GIMAP1: variants seen among roughly 807,000 people sequenced by gnomAD.
GIMAP1 encodes GTPase IMAP family member 1.
For synonymous variants in GIMAP1, 230 were observed against 187.7 expected, an observed-to-expected ratio of 1.23 and a Z score of -1.84; for missense variants, 423 against 411.9, an observed-to-expected ratio of 1.03 and a Z score of -0.23.
At position 150,717,710 on chromosome 7, in the gene GIMAP1, C is replaced by G. The variant is rs374372253; in HGVS notation, c.-7+1020C>G. On this transcript the variant is annotated intron_variant, in intron 1 of 2. Coordinates refer to ENST00000307194, the MANE Select transcript of GIMAP1 (RefSeq NM_130759.4). Reference sequence around the variant, plus strand: ...CATTTTGCTTCATCTAAATTCTTTTCTCTGAATCTTGCAACTGTTTCTTCA... The same window carrying G: ...CATTTTGCTTCATCTAAATTCTTTTGTCTGAATCTTGCAACTGTTTCTTCA... Among the ~76,000 whole-genome samples the G allele has an allele frequency of 2.1e-4, 32 of 152,302 alleles. 1 individual carries two copies. In the South Asian group the frequency reaches 3.9e-3, roughly 19 times the overall value.
chr7:150,720,497 T>G lies in GIMAP1; in HGVS notation c.493T>G (p.Tyr165Asp), dbSNP rs1241988447. 6.3e-7 allele frequency: 1 copy of G among 1,585,042 alleles called. No individual in the cohort carries two copies. The highest frequency in any genetic ancestry group is 8.6e-7 in the Non-Finnish European group (1 of 1,165,372). The change falls in exon 3 of 3, where the codon TAC (tyrosine) becomes GAC (aspartate). Residue 165 changes from tyrosine (Y) to aspartate (D), a missense_variant. Tyr to Asp is a radical substitution (Grantham distance 160). Transcript: ENST00000307194. The surrounding 1 kb of genome is among the most constrained non-coding windows in gnomAD (Gnocchi z 4.5). ...EDLAGGSLHD[Y>D]VSNTENRALR... ...CCTGGCCGGGGGCTCCCTGCACGAT[T>G]ACGTGAGCAACACAGAGAACCGGGC...
chr7:150,718,719 A>G (rs935515117), intron 1 of GIMAP1, among the ~76,000 whole-genome samples: 4 of 152,220 alleles, frequency 2.6e-5, no homozygotes, highest in Non-Finnish European at 5.9e-5. Context: ...TTCTCACAGC[A>G]TCCTACCAAC....
chr7:150,720,670 C>T lies in GIMAP1; in HGVS notation c.666C>T (p.Asn222=), dbSNP rs556622260. The T allele has an allele frequency of 2.5e-6, 4 of 1,603,996 alleles. No individual in the cohort carries two copies. The South Asian group carries it at 3.3e-5, about 13-fold the overall frequency. Residue 222 remains asparagine (N), a synonymous_variant, in exon 3 of 3, where the codon AAC becomes AAT. Coordinates refer to ENST00000307194, the MANE Select transcript of GIMAP1 (RefSeq NM_130759.4). The surrounding 1 kb of genome is among the most constrained non-coding windows in gnomAD (Gnocchi z 4.5). ...AGCACAAGGGCGCCCATTACTCCAA[C>T]GAGGTGTATGAGCTGGCGCAGGTGC... ...VLEHKGAHYS[N]EVYELAQVLR...
chr7:150,719,982 G>A, intron 2 of GIMAP1, 66 bp from the exon 3 acceptor site: 1 of 1,496,456 alleles, frequency 6.7e-7, no homozygotes, highest in Non-Finnish European at 8.9e-7. Context: ...CTAAAGGCAA[G>A]AAGATTCCAG....
chr7:150,720,433 C>T lies in GIMAP1; in HGVS notation c.429C>T (p.Val143=). The T allele has an allele frequency of 1.3e-6, 2 of 1,574,806 alleles. No individual in the cohort carries two copies. Among genetic ancestry groups the T allele is most frequent in the Non-Finnish European group, 1.7e-6 (2 of 1,158,908 alleles). Residue 143 remains valine, a synonymous_variant, in exon 3 of 3, where the codon GTC becomes GTT. Transcript: ENST00000307194. This position sits in a 1 kb window ranked among gnomAD's most constrained non-coding sequence, Gnocchi z 4.5. Reference sequence around the variant, plus strand: ...TGAGGGACATGTTCGGGGAGGACGTCCTAAAATGGATGGTCATCGTCTTCA... The same window carrying T: ...TGAGGGACATGTTCGGGGAGGACGTTCTAAAATGGATGGTCATCGTCTTCA... ...RQVRDMFGED[V]LKWMVIVFTR...
rs1429620844 is a variant in GIMAP1 at position 150,720,448 on chromosome 7, C to T, written c.444C>T (p.Val148=). The part of the protein sequence containing the change: ...MFGEDVLKWM[V]IVFTRKEDLA... The stretch of plus-strand genomic sequence containing the variant: ...GGGAGGACGTCCTAAAATGGATGGT[C>T]ATCGTCTTCACCAGGAAGGAGGACC... The change falls in exon 3 of 3, where the codon GTC becomes GTT. Residue 148 remains valine (V), a synonymous_variant. Transcript: ENST00000307194. This position sits in a 1 kb window ranked among gnomAD's most constrained non-coding sequence, Gnocchi z 4.5. The T allele has an allele frequency of 6.4e-7, 1 of 1,572,450 alleles. No homozygotes were observed. The highest frequency in any genetic ancestry group is 1.3e-5 in the African/African-American group (1 of 74,244).
chr7:150,717,208 G>A (rs151121142), intron 1 of GIMAP1, among the ~76,000 whole-genome samples: 2 of 152,040 alleles, frequency 1.3e-5, no homozygotes, highest in Non-Finnish European at 2.9e-5. Context: ...TCCCTGCATG[G>A]CCCCTTAAAC....
chr7:150,719,867 A>C (rs1338395842), intron 2 of GIMAP1, among the ~76,000 whole-genome samples, 181 bp from the exon 3 acceptor site: 1 of 152,264 alleles, frequency 6.6e-6, no homozygotes, highest in African/African-American at 2.4e-5. Context: ...ATGATAATCA[A>C]CTGTAGTTGG....
intron 1 of GIMAP1, among the ~76,000 whole-genome samples, chr7:150,717,114 T>C (rs1797228180): frequency 6.6e-6 from 1 of 152,116 alleles, no homozygotes; most frequent in Non-Finnish European, 1.5e-5. Flanking sequence ...CAAGACTGGG[T>C]ACATTTGAAC....
Position 150,720,904 on chromosome 7 carries a change from T to TGAAA in GIMAP1, c.901_902insAAAG (p.Ala301GlufsTer7), listed in dbSNP as rs1667907353. 1 of 1,581,330 alleles carries TGAAA rather than the reference T, an allele frequency of 6.3e-7. No individual in the cohort carries two copies. The highest frequency in any genetic ancestry group is 1.4e-5 in the African/African-American group (1 of 73,880). ...TCCACAGGCGGTGGTCGGAGGCCGT[T>TGAAA]GCGGAGGTCGGGCCTGACTGACAGC... On this transcript the variant is annotated frameshift_variant, in exon 3 of 3. Coordinates refer to ENST00000307194, the MANE Select transcript of GIMAP1 (RefSeq NM_130759.4). LOFTEE classifies it low-confidence loss of function (END_TRUNC). This position sits in a 1 kb window ranked among gnomAD's most constrained non-coding sequence, Gnocchi z 4.5.
In GIMAP1 at chr7:150,723,651, G is replaced by T. The variant is rs538255991; in HGVS notation, c.*2726G>T. ...TTGTGACCTCACTTATGTAATTTGA[G>T]TGATTTGATAGCACAAATCAATTTT... On this transcript the variant is annotated 3_prime_UTR_variant, in exon 3 of 3. Coordinates refer to ENST00000307194, the MANE Select transcript of GIMAP1 (RefSeq NM_130759.4). 1 of 152,286 alleles carries T rather than the reference G, an allele frequency of 6.6e-6. No homozygotes were observed. The highest frequency in any genetic ancestry group is 1.9e-4 in the East Asian group (1 of 5,190). The allele number at this position is 152,286 out of a possible 1,614,324, so 9.4% of individuals were successfully genotyped here.
At chr7:150,717,386 G>A (rs1267444063) in intron 1 of GIMAP1, among the ~76,000 whole-genome samples, 3 of 152,182 alleles carry the variant, frequency 2.0e-5, no homozygotes, top group Non-Finnish European at 4.4e-5. Flanking sequence ...TCCAAGAGAT[G>A]TACATTTTTA....
intron 2 of GIMAP1, 143 bp from the exon 3 acceptor site, chr7:150,719,905 C>G (rs1797270470): frequency 7.7e-6 from 9 of 1,174,348 alleles, no homozygotes; most frequent in Non-Finnish European, 1.1e-5. Flanking sequence ...GCAGACAACC[C>G]AAATACAAAA....
At chr7:150,719,964 C>G in intron 2 of GIMAP1, 84 bp from the exon 3 acceptor site, 1 of 1,479,754 alleles carries the variant, frequency 6.8e-7, no homozygotes, top group Non-Finnish European at 9.0e-7. Context: ...TATTCTTAAC[C>G]ACTTATGCTA....
In GIMAP1 at chr7:150,720,583, C is replaced by T. The variant is rs1175912034; in HGVS notation, c.579C>T (p.Thr193=). ...GRVCAFDNRA[T]GREQEAQVEQ... ...TCTGTGCCTTTGATAACCGGGCCAC[C>T]GGCCGGGAGCAGGAAGCCCAGGTGG... The change falls in exon 3 of 3, where the codon ACC becomes ACT. Residue 193 remains threonine (T), a synonymous_variant. Coordinates refer to ENST00000307194, the MANE Select transcript of GIMAP1 (RefSeq NM_130759.4). The surrounding 1 kb of genome is among the most constrained non-coding windows in gnomAD (Gnocchi z 4.5). 6 of 1,613,726 alleles carry T rather than the reference C, an allele frequency of 3.7e-6. No homozygotes were observed. Among genetic ancestry groups the T allele is most frequent in the African/African-American group, 1.3e-5 (1 of 75,068 alleles).
rs746008890 is a variant in GIMAP1 at position 150,720,289 on chromosome 7, T to A, written c.285T>A (p.Asp95Glu). The change falls in exon 3 of 3, where the codon GAT (aspartate) becomes GAA (glutamate). Residue 95 changes from aspartate (D) to glutamate (E), a missense_variant. Asp to Glu is a conservative substitution (Grantham distance 45). Coordinates refer to ENST00000307194, the MANE Select transcript of GIMAP1 (RefSeq NM_130759.4). This position sits in a 1 kb window ranked among gnomAD's most constrained non-coding sequence, Gnocchi z 4.5. ...TCAGCTCCCAAGTGTCCAAGACAGA[T>A]CCTGGCTGTGAGGAGAGAGGTCACT... The part of the protein sequence containing the change: ...DIFSSQVSKT[D>E]PGCEERGHCY... 6 of 1,614,182 alleles carry A rather than the reference T, an allele frequency of 3.7e-6. No individual in the cohort carries two copies. The South Asian group carries it at 4.4e-5, about 12-fold the overall frequency.
In GIMAP1 at chr7:150,720,478, C is replaced by G; in HGVS notation, c.474C>G (p.Ala158=). ...TCTTCACCAGGAAGGAGGACCTGGC[C>G]GGGGGCTCCCTGCACGATTACGTGA... ...VIVFTRKEDL[A]GGSLHDYVSN... The change falls in exon 3 of 3, where the codon GCC becomes GCG. Residue 158 remains alanine (A), a synonymous_variant. Coordinates refer to ENST00000307194, the MANE Select transcript of GIMAP1 (RefSeq NM_130759.4). The surrounding 1 kb of genome is among the most constrained non-coding windows in gnomAD (Gnocchi z 4.5). 5 of 1,572,780 alleles carry G rather than the reference C, an allele frequency of 3.2e-6. No individual in the cohort carries two copies. Among genetic ancestry groups the G allele is most frequent in the Non-Finnish European group, 4.3e-6 (5 of 1,158,676 alleles).
Position 150,720,922 on chromosome 7 carries a change from C to A in GIMAP1, c.918C>A (p.Asp306Glu). 6.4e-7 allele frequency: 1 copy of A among 1,551,510 alleles called. No individual in the cohort carries two copies. The highest frequency in any genetic ancestry group is 1.2e-5 in the South Asian group (1 of 83,590). Residue 306 changes from aspartate (D) to glutamate (E), a missense_variant, in exon 3 of 3, where the codon GAC (aspartate) becomes GAA (glutamate). Physicochemically the swap from Asp to Glu is conservative, Grantham distance 45. Coordinates refer to ENST00000307194, the MANE Select transcript of GIMAP1 (RefSeq NM_130759.4). This position sits in a 1 kb window ranked among gnomAD's most constrained non-coding sequence, Gnocchi z 4.5. ...WSEAVAEVGPD is the reference protein window; with the variant it reads ...WSEAVAEVGPE Reference sequence around the variant, plus strand: ...AGGCCGTTGCGGAGGTCGGGCCTGACTGACAGCGCAGGTCCTAAAACTGAA... The same window carrying A: ...AGGCCGTTGCGGAGGTCGGGCCTGAATGACAGCGCAGGTCCTAAAACTGAA...
At position 150,723,911 on chromosome 7, in the gene GIMAP1, C is replaced by G. The variant is rs1797343526; in HGVS notation, c.*2986C>G. ...TTCTATGCCCTGGTACCTGGATCAGCTTTTGTTCTACACAAAAAGACTTGT... is the reference window on the plus strand; with the variant it reads ...TTCTATGCCCTGGTACCTGGATCAGGTTTTGTTCTACACAAAAAGACTTGT... On this transcript the variant is annotated 3_prime_UTR_variant, in exon 3 of 3. Transcript: ENST00000307194. 6.6e-6 allele frequency: 1 copy of G among 152,118 alleles called. No homozygotes were observed. 9.4% of individuals were successfully genotyped at this position (152,118 alleles called of 1,614,324 possible). A position where few individuals can be genotyped will look rare whatever the true frequency, so the allele number is the denominator to read the frequency against.
Sources: gnomAD v4.1 joint callset for allele counts (sites outside exome capture counted in the v4.1 genomes callset) on GRCh38, gnomAD v4.1.1 for gene constraint, Gnocchi (gnomAD v3.1) non-coding constraint, MANE v1.5 for transcripts, NCBI Gene and HGNC (gene_info 2026-07-23, HGNC 2026-07-21) for gene names.